The following TTC27 variants were observed in gnomAD, a reference collection of about 807,000 sequenced individuals.
TTC27 encodes tetratricopeptide repeat protein 27.
TTC27 carries 79 observed loss-of-function variants against 115.9 expected under a neutral mutation model. That is an observed-to-expected ratio of 0.68 (90% CI 0.57 to 0.82). The LOEUF is 0.82. Among genes scored for constraint, TTC27 ranks in the 40% least tolerant of loss-of-function variants. TTC27 has a pLI of 0.00. For synonymous variants in TTC27, 401 were observed against 356.0 expected (o/e 1.13, Z -1.42); for missense variants, 1,054 against 993.1 (o/e 1.06, Z -0.82).
chr2:32,770,566 G>T (rs535731441), intron 13 of TTC27, among the ~76,000 whole-genome samples: 2 of 152,322 alleles, frequency 1.3e-5, no homozygotes, highest in Non-Finnish European at 2.9e-5. Flanking sequence ...TTCATCAGAA[G>T]CAAAGTGAGA....
chr2:32,698,435 G>GTTATTATTATTA lies in TTC27; in HGVS notation c.1120-4360_1120-4349dup, dbSNP rs372830080. On this transcript the variant is annotated intron_variant, in intron 9 of 19. Transcript: ENST00000317907. ...TTAAGCCATCTCACCCAGCCATAAAGTTATTATTATTATTATTATTATTTT... is the reference window on the plus strand; with the variant it reads ...TTAAGCCATCTCACCCAGCCATAAAGTTATTATTATTATTATTATTATTATTATTATTATTTT... Among the ~76,000 whole-genome samples the GTTATTATTATTA allele has an allele frequency of 2.7e-3, 386 of 145,480 alleles. 2 individuals carry two copies. The highest frequency in any genetic ancestry group is 0.017 in the East Asian group (80 of 4,828).
chr2:32,686,699 GA>G (rs1211188689), intron 9 of TTC27, among the ~76,000 whole-genome samples: 1 of 152,004 alleles, frequency 6.6e-6, no homozygotes, highest in African/African-American at 2.4e-5. Flanking sequence ...CCCTTCTGCA[GA>G]AAAAAATTAT....
chr2:32,647,993 T>G (rs961037475), intron 4 of TTC27, among the ~76,000 whole-genome samples: 11 of 152,198 alleles, frequency 7.2e-5, no homozygotes, highest in Admixed American at 7.2e-4. Context: ...TTATCATAAC[T>G]TGTACACATG....
At chr2:32,690,697 A>T (rs1035474423) in intron 9 of TTC27, among the ~76,000 whole-genome samples, 29 of 152,214 alleles carry the variant, frequency 1.9e-4, no homozygotes, top group African/African-American at 6.0e-4. Context: ...AGTAGATTTG[A>T]AAAAGTTTTT....
At chr2:32,671,479 C>T (rs1310292309) in intron 7 of TTC27, among the ~76,000 whole-genome samples, 2 of 152,126 alleles carry the variant, frequency 1.3e-5, no homozygotes, top group African/African-American at 4.8e-5. Context: ...TGTTGAAACA[C>T]CTAGGTAGCT....
Position 32,769,100 on chromosome 2 carries a change from C to A in TTC27, c.1681-8782C>A, listed in dbSNP as rs189850045. 2.7e-4 allele frequency among the ~76,000 whole-genome samples: 41 copies of A among 152,234 alleles called. 1 individual carries two copies. The East Asian group carries it at 7.5e-3, about 28-fold the overall frequency. On this transcript the variant is annotated intron_variant, in intron 13 of 19. Transcript: ENST00000317907. ...CTTGAAACCATGAAAGTGAGTTCTT[C>A]ACAGAAAACTGTGTTGGAAGAGAAT...
intron 16 of TTC27, among the ~76,000 whole-genome samples, chr2:32,795,495 A>G (rs1488290385): frequency 6.6e-6 from 1 of 151,694 alleles, no homozygotes; most frequent in Non-Finnish European, 1.5e-5. Flanking sequence ...CACAGCAAAC[A>G]TCATACTTAA....
Position 32,666,682 on chromosome 2 carries a change from C to G in TTC27, c.853C>G (p.Leu285Val), listed in dbSNP as rs1388152654. ...TRFQENYVAQ[L>V]ILDVRREGDV... Reference sequence around the variant, plus strand: ...GTTCCAGGAAAATTATGTGGCACAACTGATTCTAGATGTAAGAAGGGAAGG... The same window carrying G: ...GTTCCAGGAAAATTATGTGGCACAAGTGATTCTAGATGTAAGAAGGGAAGG... The change falls in exon 7 of 20, where the codon CTG becomes GTG. Residue 285 changes from leucine (L) to valine (V), a missense_variant. Coordinates refer to ENST00000317907, the MANE Select transcript of TTC27 (RefSeq NM_017735.5). 6.2e-7 allele frequency: 1 copy of G among 1,613,960 alleles called. No individual in the cohort carries two copies. Among genetic ancestry groups the G allele is most frequent in the Non-Finnish European group, 8.5e-7 (1 of 1,179,940 alleles).
chr2:32,665,383 G>A (rs1025061541), intron 6 of TTC27, among the ~76,000 whole-genome samples: 1 of 152,150 alleles, frequency 6.6e-6, no homozygotes, highest in Admixed American at 6.5e-5. Context: ...TATCTTGTGA[G>A]GTTAGTTTCA....
chr2:32,721,712 TGGAATGA>T (rs1667935458), intron 10 of TTC27, among the ~76,000 whole-genome samples: 1 of 39,486 alleles, frequency 2.5e-5, no homozygotes, highest in Non-Finnish European at 5.0e-5. Context: ...TGGAGTACAG[TGGAATGA>T]TTAAGCTCTG....
At chr2:32,728,112 C>T (rs930400594) in intron 10 of TTC27, among the ~76,000 whole-genome samples, 1 of 145,836 alleles carries the variant, frequency 6.9e-6, no homozygotes, top group Non-Finnish European at 1.5e-5. Context: ...GTGATCTCTG[C>T]TCACTGCAAG....
chr2:32,764,685 A>G lies in TTC27; in HGVS notation c.1680+6166A>G, dbSNP rs1221241796. Among the ~76,000 whole-genome samples the G allele has an allele frequency of 2.0e-5, 3 of 152,236 alleles. No homozygotes were observed. In the South Asian group the frequency reaches 6.2e-4, roughly 32 times the overall value. ...AATGGTGTTTGATAGCTCTTTAGCC[A>G]CAGCAGAACTTCTTTCAAAATTGGA... On this transcript the variant is annotated intron_variant, in intron 13 of 19. Transcript: ENST00000317907.
At chr2:32,739,315 G>A (rs2151917764) in intron 12 of TTC27, among the ~76,000 whole-genome samples, 1 of 152,208 alleles carries the variant, frequency 6.6e-6, no homozygotes, top group South Asian at 2.1e-4. Context: ...AAGCAAGTTG[G>A]TAAATCACAA....
intron 9 of TTC27, among the ~76,000 whole-genome samples, chr2:32,701,303 T>G (rs1197042765): frequency 6.6e-6 from 1 of 152,234 alleles, no homozygotes; most frequent in Non-Finnish European, 1.5e-5. Context: ...AGTCCTCTTT[T>G]TACATTACTC....
chr2:32,642,252 T>TTG lies in TTC27; in HGVS notation c.537+1843_537+1844insGT, dbSNP rs1302304223. ...CATTTAAGTTTATACACTAAATTTT[T>TTG]TTTTTTTTTTTTTTTTTGAGATGGA... On this transcript the variant is annotated intron_variant, in intron 4 of 19. Transcript: ENST00000317907. Among the ~76,000 whole-genome samples the TTG allele has an allele frequency of 1.5e-4, 22 of 142,904 alleles. 1 individual carries two copies. Among genetic ancestry groups the TTG allele is most frequent in the Non-Finnish European group, 2.9e-4 (19 of 65,004 alleles). The allele number at this position is 142,904 out of a possible 152,430, so 93.8% of individuals were successfully genotyped here. A position where few individuals can be genotyped will look rare whatever the true frequency, so the allele number is the denominator to read the frequency against.
intron 16 of TTC27, among the ~76,000 whole-genome samples, chr2:32,810,374 C>T (rs1043466673): frequency 2.0e-5 from 3 of 152,018 alleles, no homozygotes; most frequent in Non-Finnish European, 2.9e-5. Flanking sequence ...CTAAATAGGA[C>T]ATTAGGAATG....
At chr2:32,680,644 G>A (rs994003421) in intron 9 of TTC27, among the ~76,000 whole-genome samples, 1 of 152,106 alleles carries the variant, frequency 6.6e-6, no homozygotes, top group Non-Finnish European at 1.5e-5. Context: ...GACTGGATGG[G>A]GACAAGTGTC....
chr2:32,642,802 G>C (rs1301969937), intron 4 of TTC27, among the ~76,000 whole-genome samples: 1 of 151,868 alleles, frequency 6.6e-6, no homozygotes, highest in Non-Finnish European at 1.5e-5. Flanking sequence ...CAAGTAACTT[G>C]TACTACAGGC....
intron 12 of TTC27, among the ~76,000 whole-genome samples, chr2:32,751,829 C>A (rs939480729): frequency 6.6e-6 from 1 of 152,176 alleles, no homozygotes; most frequent in African/African-American, 2.4e-5. Flanking sequence ...GGCTGTGAGT[C>A]TTTGAAGTGA....
Sources: allele counts gnomAD v4.1 joint callset (sites outside exome capture counted in the v4.1 genomes callset), GRCh38; gene constraint gnomAD v4.1.1; transcripts MANE v1.5; gene names NCBI Gene and HGNC (gene_info 2026-07-23, HGNC 2026-07-21).